The following CALN1 variants were observed in gnomAD, a reference collection of about 807,000 sequenced individuals.
CALN1 encodes the protein calneuron 1.
Under a neutral mutation model 30.6 loss-of-function variants are expected in CALN1, and 17 were observed. The ratio of observed to expected loss-of-function variants is 0.56; its 90% confidence interval spans 0.38 to 0.83. The LOEUF (loss-of-function observed/expected upper bound fraction) is 0.83, where lower values mean the gene tolerates loss of function less well. Among genes scored for constraint, CALN1 ranks in the 40% least tolerant of loss-of-function variants. The probability of loss-of-function intolerance (pLI) is 0.00; values close to 1 mark genes in which losing one functional copy is unlikely to be tolerated. For synonymous variants in CALN1, 156 were observed against 131.4 expected, an observed-to-expected ratio of 1.19 and a Z score of -1.28; for missense variants, 291 against 354.9, an observed-to-expected ratio of 0.82 and a Z score of 1.45.
intron 3 of CALN1, among the ~76,000 whole-genome samples, chr7:72,186,347 C>G (rs980196408): frequency 7.1e-6 from 1 of 141,824 alleles, no homozygotes; most frequent in African/African-American, 2.5e-5. Context: ...CGTGCCCTCC[C>G]TCAGATAGGC....
chr7:72,401,837 A>C (rs1026946019), intron 2 of CALN1, among the ~76,000 whole-genome samples: 1 of 152,172 alleles, frequency 6.6e-6, no homozygotes, highest in Admixed American at 6.5e-5. Flanking sequence ...GCTTTCTGTA[A>C]GGCAGCCCTC....
At chr7:71,814,900 C>A (rs1788171834) in intron 5 of CALN1, among the ~76,000 whole-genome samples, 1 of 150,316 alleles carries the variant, frequency 6.7e-6, no homozygotes. Context: ...GTGACGCAAT[C>A]TTGGCTCACT....
At chr7:71,919,169 T>C (rs1022644215) in intron 5 of CALN1, among the ~76,000 whole-genome samples, 2 of 152,196 alleles carry the variant, frequency 1.3e-5, no homozygotes, top group African/African-American at 2.4e-5. Flanking sequence ...TTAACAGGCA[T>C]CTTATCTTCA....
At chr7:71,880,872 T>C (rs1026035526) in intron 5 of CALN1, among the ~76,000 whole-genome samples, 2 of 152,190 alleles carry the variant, frequency 1.3e-5, no homozygotes, top group South Asian at 2.1e-4. Context: ...ATGGTGAATA[T>C]TGAGTGCCAA....
At chr7:71,871,478 A>G (rs35971359) in intron 5 of CALN1, among the ~76,000 whole-genome samples, 37,423 of 151,952 alleles carry the variant, frequency 0.25, 4,953 homozygotes, top group African/African-American at 0.32. Flanking sequence ...CGGGCACCAC[A>G]GCTCACTCCT....
At chr7:72,463,704 C>A in the CALN1 span, among the ~76,000 whole-genome samples, 6 of 151,960 alleles carry the variant, frequency 3.9e-5, no homozygotes, top group African/African-American at 1.5e-4. Context: ...GGACCACAGG[C>A]AAGCATCACT....
intron 5 of CALN1, among the ~76,000 whole-genome samples, chr7:71,967,605 G>A (rs1177305678): frequency 2.9e-5 from 4 of 139,892 alleles, no homozygotes; most frequent in Non-Finnish European, 6.0e-5. Flanking sequence ...CAGCCTGGGC[G>A]ACAGAGTGAG....
chr7:71,881,316 G>A (rs1003695845), intron 5 of CALN1, among the ~76,000 whole-genome samples: 1 of 152,122 alleles, frequency 6.6e-6, no homozygotes, highest in African/African-American at 2.4e-5. Context: ...TTCACCTTGT[G>A]ATTGTCTGGG....
chr7:72,478,887 C>CTTTTTTTTTTTTTTT, the CALN1 span, among the ~76,000 whole-genome samples: 1,808 of 138,666 alleles, frequency 0.013, 141 homozygotes, highest in African/African-American at 0.048. Context: ...CGAACCACTT[C>CTTTTTTTTTTTTTTT]TTTTTTTTTT....
chr7:72,467,063 C>T, the CALN1 span, among the ~76,000 whole-genome samples: 1 of 152,072 alleles, frequency 6.6e-6, no homozygotes, highest in East Asian at 1.9e-4. Flanking sequence ...GACTAACATC[C>T]TCCATTACCC....
chr7:71,835,982 T>C (rs543342775), intron 5 of CALN1, among the ~76,000 whole-genome samples: 1 of 152,334 alleles, frequency 6.6e-6, no homozygotes, highest in South Asian at 2.1e-4. Flanking sequence ...GGTGACTTGC[T>C]TTGGGCAATG....
At chr7:71,900,061 T>A (rs896081944) in intron 5 of CALN1, among the ~76,000 whole-genome samples, 2 of 152,196 alleles carry the variant, frequency 1.3e-5, no homozygotes, top group Non-Finnish European at 2.9e-5. Flanking sequence ...TTTTTTAAAC[T>A]TTATCATGTC....
chr7:72,179,858 A>C (rs1170623247), intron 3 of CALN1, among the ~76,000 whole-genome samples: 1 of 152,174 alleles, frequency 6.6e-6, no homozygotes. Context: ...TTATATACTG[A>C]CTCATATTAA....
chr7:72,380,161 A>T (rs1214389223), intron 2 of CALN1, among the ~76,000 whole-genome samples: 10 of 152,194 alleles, frequency 6.6e-5, no homozygotes, highest in Admixed American at 5.2e-4. Context: ...GACAAAGAGA[A>T]GATTCCACTT....
intron 5 of CALN1, among the ~76,000 whole-genome samples, chr7:71,832,271 T>C (rs1285753263): frequency 6.6e-6 from 1 of 152,152 alleles, no homozygotes; most frequent in African/African-American, 2.4e-5. Context: ...GACAGTTCCT[T>C]TTACCACACC....
chr7:72,227,568 A>G (rs1793778806), intron 3 of CALN1, among the ~76,000 whole-genome samples: 2 of 149,372 alleles, frequency 1.3e-5, no homozygotes, highest in Non-Finnish European at 1.5e-5. Flanking sequence ...AGAAAAAAGA[A>G]AAAAGGTGGT....
At chr7:72,220,809 T>C (rs1793232696) in intron 3 of CALN1, among the ~76,000 whole-genome samples, 2 of 152,234 alleles carry the variant, frequency 1.3e-5, no homozygotes, top group African/African-American at 4.8e-5. Flanking sequence ...ATGAGCATTT[T>C]TTCATGTGTT....
chr7:72,172,479 A>G (rs1789039013), intron 3 of CALN1, among the ~76,000 whole-genome samples: 1 of 152,228 alleles, frequency 6.6e-6, no homozygotes, highest in Non-Finnish European at 1.5e-5. Flanking sequence ...CAATGATAAG[A>G]AAAGAAAACT....
At chr7:71,945,814 A>G (rs1562926122) in intron 5 of CALN1, among the ~76,000 whole-genome samples, 4 of 152,244 alleles carry the variant, frequency 2.6e-5, no homozygotes, top group Admixed American at 2.0e-4. Flanking sequence ...TAATAATAAT[A>G]GAAATAAAGT....
Sources: allele counts gnomAD v4.1 joint callset (sites outside exome capture counted in the v4.1 genomes callset), GRCh38; gene constraint gnomAD v4.1.1; transcripts MANE v1.5; gene names NCBI Gene and HGNC (gene_info 2026-07-23, HGNC 2026-07-21).